NR3C1: variants seen among roughly 807,000 people sequenced by gnomAD.
NR3C1 encodes the protein glucocorticoid receptor.
A neutral mutation model predicts 74.0 loss-of-function variants in NR3C1; 14 were observed. The observed-to-expected ratio is 0.19, with a 90% CI of 0.12 to 0.30. The LOEUF (loss-of-function observed/expected upper bound fraction) is 0.30. Among genes scored for constraint, NR3C1 ranks in the 10% least tolerant of loss-of-function variants. NR3C1 has a pLI of 1.00. For synonymous variants in NR3C1, 308 were observed against 332.5 expected (o/e 0.93, Z 0.80); for missense variants, 695 against 909.8 (o/e 0.76, Z 3.04).
At chr5:143,313,015 A>G (rs1245744747) in intron 3 of NR3C1, among the ~76,000 whole-genome samples, 1 of 152,254 alleles carries the variant, frequency 6.6e-6, no homozygotes, top group African/African-American at 2.4e-5. Context: ...AAAGTAAAAC[A>G]AAAGAAAATG....
chr5:143,336,263 T>C (rs185413447), intron 2 of NR3C1, among the ~76,000 whole-genome samples: 100 of 152,298 alleles, frequency 6.6e-4, no homozygotes, highest in Non-Finnish European at 9.4e-4. Flanking sequence ...AGCTTGAAAA[T>C]AAAATGACCA....
At chr5:143,402,434 T>G (rs374932535) in intron 1 of NR3C1, among the ~76,000 whole-genome samples, 17 of 152,294 alleles carry the variant, frequency 1.1e-4, no homozygotes, top group East Asian at 7.7e-4. Context: ...CTAGCACTTG[T>G]AAAAATCGCA....
intron 1 of NR3C1, among the ~76,000 whole-genome samples, chr5:143,416,571 T>C: frequency 6.6e-6 from 1 of 152,248 alleles, no homozygotes; most frequent in Middle Eastern, 3.4e-3. Flanking sequence ...CTTCAATACA[T>C]TATTCCCCCT....
chr5:143,367,726 T>C, intron 2 of NR3C1, among the ~76,000 whole-genome samples: 1 of 152,160 alleles, frequency 6.6e-6, no homozygotes, highest in East Asian at 1.9e-4. Flanking sequence ...CTACAAAATA[T>C]TAATGAAAGA....
At chr5:143,295,135 ACTGTAGTTAG>A in intron 7 of NR3C1, 2 of 985,414 alleles carry the variant, frequency 2.0e-6, no homozygotes. Context: ...GGACAAAATC[ACTGTAGTTAG>A]CTTTCTTTTT....
rs1338259101 is a variant in NR3C1 at position 143,278,438 on chromosome 5, G to A, written c.*3451C>T. The A allele has an allele frequency of 1.3e-5, 2 of 152,150 alleles. No homozygotes were observed. The highest frequency in any genetic ancestry group is 2.4e-5 in the African/African-American group (1 of 41,430). 9.4% of individuals were successfully genotyped at this position (152,150 alleles called of 1,614,324 possible). A position where few individuals can be genotyped will look rare whatever the true frequency, so the allele number is the denominator to read the frequency against. On this transcript the variant is annotated 3_prime_UTR_variant, in exon 9 of 9. Transcript: ENST00000394464. ...CCTTTCAGACATTTTCTAGAGAGAA[G>A]CAAATCCTTTCCTGAAAACCTGGTC... is the stretch of plus-strand genomic sequence containing the variant.
chr5:143,288,275 C>T (rs574519616), intron 7 of NR3C1, among the ~76,000 whole-genome samples: 4 of 151,488 alleles, frequency 2.6e-5, no homozygotes, highest in South Asian at 2.1e-4. Flanking sequence ...TGTGCCACCA[C>T]GCCTGGCTAA....
At chr5:143,396,655 A>C (rs1015536640) in intron 2 of NR3C1, among the ~76,000 whole-genome samples, 5 of 151,778 alleles carry the variant, frequency 3.3e-5, no homozygotes, top group African/African-American at 7.2e-5. Context: ...TAAAATCTAC[A>C]TAAATTTTAG....
At position 143,399,658 on chromosome 5, in the gene NR3C1, T is replaced by G; in HGVS notation, c.1182A>C (p.Ser394=). 6.2e-7 allele frequency: 1 copy of G among 1,605,050 alleles called. No individual in the cohort carries two copies. The highest frequency in any genetic ancestry group is 1.3e-5 in the African/African-American group (1 of 74,848). Residue 394 remains serine (S), a splice_region_variant and synonymous_variant, in exon 2 of 9, where the codon TCA becomes TCC. Transcript: ENST00000394464. The stretch of plus-strand genomic sequence containing the variant: ...AAACAGAAAAACACTGATCTTACCT[T>G]GAATAGCCATTAGAAAAAACTGTTC... ...PGRTVFSNGY[S]SPSMRPDVSS...
In NR3C1 at chr5:143,305,547, T is replaced by A. The variant is rs537063892; in HGVS notation, c.1468+4550A>T. 3.3e-5 allele frequency among the ~76,000 whole-genome samples: 5 copies of A among 152,274 alleles called. No individual in the cohort carries two copies. In the East Asian group the frequency reaches 9.6e-4, roughly 29 times the overall value. On this transcript the variant is annotated intron_variant, in intron 4 of 8. Transcript: ENST00000394464. ...AAGAAAATGTGGTATTTATATGCCA[T>A]GGAATACTATGTGGCCACAAAAAGA...
chr5:143,395,454 T>G (rs1355100467), intron 2 of NR3C1, among the ~76,000 whole-genome samples: 1 of 151,864 alleles, frequency 6.6e-6, no homozygotes, highest in African/African-American at 2.4e-5. Flanking sequence ...ATGTATATTT[T>G]CCATGACTCA....
At chr5:143,371,367 G>GTCTA (rs1434968040) in intron 2 of NR3C1, among the ~76,000 whole-genome samples, 2 of 152,100 alleles carry the variant, frequency 1.3e-5, no homozygotes, top group African/African-American at 4.8e-5. Flanking sequence ...TTACTACATA[G>GTCTA]TCTAGCACCT....
intron 2 of NR3C1, among the ~76,000 whole-genome samples, chr5:143,395,127 C>T (rs72801090): frequency 0.15 from 22,156 of 151,918 alleles, 1,790 homozygotes; most frequent in African/African-American, 0.17. Context: ...TCACAAGTCA[C>T]ACCCTAATCT....
intron 4 of NR3C1, among the ~76,000 whole-genome samples, chr5:143,308,967 A>G (rs776557673): frequency 4.6e-5 from 7 of 152,188 alleles, no homozygotes; most frequent in Non-Finnish European, 7.3e-5. Flanking sequence ...CAGAATTCCA[A>G]ACTTTTTTCA....
chr5:143,331,938 T>G (rs140269785), intron 2 of NR3C1, among the ~76,000 whole-genome samples: 2,539 of 152,130 alleles, frequency 0.017, 29 homozygotes, highest in Middle Eastern at 0.054. Flanking sequence ...AATAAAAGTT[T>G]AACAAAAAAG....
At chr5:143,373,803 G>A (rs1000483890) in intron 2 of NR3C1, among the ~76,000 whole-genome samples, 1 of 152,042 alleles carries the variant, frequency 6.6e-6, no homozygotes, top group Non-Finnish European at 1.5e-5. Context: ...ACTGGGAAAG[G>A]GCATCCAGCG....
At chr5:143,420,641 A>C (rs1171662748) in intron 1 of NR3C1, among the ~76,000 whole-genome samples, 2 of 152,150 alleles carry the variant, frequency 1.3e-5, no homozygotes, top group Admixed American at 1.3e-4. Flanking sequence ...GGAGAATCTT[A>C]TTGGCATCTA....
chr5:143,290,463 C>T (rs932608815), intron 7 of NR3C1, among the ~76,000 whole-genome samples: 2 of 152,236 alleles, frequency 1.3e-5, no homozygotes, highest in Admixed American at 6.5e-5. Context: ...GATCCTTTTA[C>T]TTCAGCCTTT....
intron 2 of NR3C1, among the ~76,000 whole-genome samples, chr5:143,322,211 T>C (rs1201898110): frequency 6.6e-6 from 1 of 152,194 alleles, no homozygotes; most frequent in Non-Finnish European, 1.5e-5. Context: ...AAACAAGATT[T>C]AGAAAAGTTG....
Sources: allele counts gnomAD v4.1 joint callset (sites outside exome capture counted in the v4.1 genomes callset), GRCh38; gene constraint gnomAD v4.1.1; transcripts MANE v1.5; gene names NCBI Gene and HGNC (gene_info 2026-07-23, HGNC 2026-07-21).